The following PALM2AKAP2 variants were observed in gnomAD, a reference collection of about 807,000 sequenced individuals.
PALM2AKAP2 encodes the protein PALM2 and AKAP2 fusion, also known as PALM2-AKAP2 fusion protein.
Under a neutral mutation model 71.5 loss-of-function variants are expected in PALM2AKAP2, and 37 were observed. The observed-to-expected ratio is 0.52, with a 90% CI of 0.40 to 0.68. The LOEUF is 0.68. Ranked by LOEUF, PALM2AKAP2 falls within the 30% of genes least tolerant of loss-of-function variation. The pLI is 0.00. For synonymous variants in PALM2AKAP2, 468 were observed against 478.8 expected, an observed-to-expected ratio of 0.98 and a Z score of 0.29; for missense variants, 1,224 against 1,191.8, an observed-to-expected ratio of 1.03 and a Z score of -0.40.
intron 1 of PALM2AKAP2, among the ~76,000 whole-genome samples, chr9:110,090,723 T>C (rs1834686992): frequency 6.6e-6 from 1 of 152,200 alleles, no homozygotes; most frequent in African/African-American, 2.4e-5. Flanking sequence ...GAATTATTTA[T>C]TTTTCCCTAG....
chr9:109,745,754 G>A (rs2118697509), intron 1 of PALM2AKAP2, among the ~76,000 whole-genome samples: 1 of 152,278 alleles, frequency 6.6e-6, no homozygotes, highest in South Asian at 2.1e-4. Context: ...GCAGTGGTGT[G>A]GCTGCCAGAA....
chr9:109,883,379 T>C (rs570034366), intron 3 of PALM2AKAP2, among the ~76,000 whole-genome samples: 278 of 152,310 alleles, frequency 1.8e-3, no homozygotes, highest in Middle Eastern at 6.8e-3. Context: ...CCATTTCTTG[T>C]GTCTTAGTCA....
At chr9:110,047,058 C>T (rs1833613158), upstream of PALM2AKAP2, among the ~76,000 whole-genome samples, 1 of 150,834 alleles carries the variant, frequency 6.6e-6, no homozygotes, top group Non-Finnish European at 1.5e-5. Context: ...AAATCGGAGA[C>T]ATGAGGAGAA....
chr9:109,774,714 T>C (rs1829325050), intron 1 of PALM2AKAP2, among the ~76,000 whole-genome samples: 1 of 151,786 alleles, frequency 6.6e-6, no homozygotes. Flanking sequence ...AGTCATTCAC[T>C]TAAGTTGGTC....
At chr9:109,780,673 C>A in intron 1 of PALM2AKAP2, 140 bp downstream of exon 1, 1 of 1,269,466 alleles carries the variant, frequency 7.9e-7, no homozygotes, top group Non-Finnish European at 1.1e-6. Context: ...CAGGGCTCAG[C>A]TAGGCTGCCT....
rs75000652 is a variant in PALM2AKAP2 at position 110,138,075 on chromosome 9, C to T, written c.2105C>T (p.Ala702Val). 1.0e-4 allele frequency: 162 copies of T among 1,557,030 alleles called. No individual in the cohort carries two copies. Among genetic ancestry groups the T allele is most frequent in the South Asian group, 1.2e-4 (11 of 89,240 alleles). The change falls in exon 2 of 4, where the codon GCG becomes GTG. Residue 702 changes from alanine to valine, a missense_variant. By Grantham distance (64) the Ala-to-Val change is moderately conservative (BLOSUM62 0). Transcript: ENST00000374525. ...GCGACTGTAGAGGAAGCTGAAGCTG[C>T]GGCTTTCGGCTCAGAAAAGCCTCAG...
chr9:109,685,979 T>G (rs1827800773), intron 1 of PALM2AKAP2, among the ~76,000 whole-genome samples: 1 of 152,230 alleles, frequency 6.6e-6, no homozygotes, highest in African/African-American at 2.4e-5. Context: ...GCTCACAGCA[T>G]CTTCACCAGG....
At chr9:110,151,972 C>T (rs1836326546) in intron 2 of PALM2AKAP2, among the ~76,000 whole-genome samples, 1 of 152,212 alleles carries the variant, frequency 6.6e-6, no homozygotes, top group East Asian at 1.9e-4. Flanking sequence ...CACAGTGGCT[C>T]ATGCCTGTAA....
At chr9:109,711,473 T>C (rs1828235202) in intron 1 of PALM2AKAP2, among the ~76,000 whole-genome samples, 2 of 152,374 alleles carry the variant, frequency 1.3e-5, no homozygotes. Flanking sequence ...TGTTGTGTTA[T>C]AGATATTTGG....
At chr9:109,766,900 C>A (rs1314745729) in intron 1 of PALM2AKAP2, among the ~76,000 whole-genome samples, 3 of 152,276 alleles carry the variant, frequency 2.0e-5, no homozygotes, top group African/African-American at 7.2e-5. Flanking sequence ...GACGTTGGAA[C>A]CCAGAGCCTT....
chr9:110,001,273 T>C (rs148860001), intron 6 of PALM2AKAP2, among the ~76,000 whole-genome samples: 2,826 of 152,202 alleles, frequency 0.019, 101 homozygotes, highest in African/African-American at 0.065. Flanking sequence ...AATAGGGAAT[T>C]GTTTCCCCAT....
At chr9:109,866,757 T>A (rs1266439726) in intron 1 of PALM2AKAP2, among the ~76,000 whole-genome samples, 1 of 152,202 alleles carries the variant, frequency 6.6e-6, no homozygotes, top group Non-Finnish European at 1.5e-5. Context: ...TTATCTCCAC[T>A]TTATGTACGA....
chr9:109,698,475 C>T (rs997275283), intron 1 of PALM2AKAP2, among the ~76,000 whole-genome samples: 3 of 152,102 alleles, frequency 2.0e-5, no homozygotes, highest in Admixed American at 6.5e-5. Context: ...GACAGAGTTT[C>T]GGCATATTGG....
At chr9:109,984,385 T>C (rs1181713609) in intron 6 of PALM2AKAP2, among the ~76,000 whole-genome samples, 2 of 152,188 alleles carry the variant, frequency 1.3e-5, no homozygotes, top group Non-Finnish European at 2.9e-5. Context: ...ATACTGGGTA[T>C]GGTGACTCTT....
At chr9:110,151,139 G>T (rs1043690713) in intron 2 of PALM2AKAP2, among the ~76,000 whole-genome samples, 6 of 152,146 alleles carry the variant, frequency 3.9e-5, no homozygotes, top group African/African-American at 1.4e-4. Flanking sequence ...TTAGACAACA[G>T]TATTTCCTAA....
At chr9:109,897,317 C>T (rs1743603531) in intron 3 of PALM2AKAP2, among the ~76,000 whole-genome samples, 1 of 152,158 alleles carries the variant, frequency 6.6e-6, no homozygotes. Context: ...CTTGGTGGCT[C>T]ATGCCTGTAA....
intron 6 of PALM2AKAP2, among the ~76,000 whole-genome samples, chr9:110,009,440 C>T (rs573181462): frequency 1.3e-5 from 2 of 152,102 alleles, no homozygotes; most frequent in East Asian, 3.9e-4. Context: ...GTTGGCCGGG[C>T]GCGGTGGCTC....
At position 110,160,196 on chromosome 9, in the gene PALM2AKAP2, T is replaced by G. The variant is rs1371554851; in HGVS notation, c.2748+3699T>G. 2.0e-5 allele frequency among the ~76,000 whole-genome samples: 3 copies of G among 152,224 alleles called. No individual in the cohort carries two copies. In the East Asian group the frequency reaches 5.8e-4, roughly 29 times the overall value. The stretch of plus-strand genomic sequence containing the variant: ...GATGCAGCCCTGCACCAGCCACACA[T>G]TTGGGGGGTAGAGTAGGGGACTGGG... On this transcript the variant is annotated intron_variant, in intron 3 of 3. Coordinates refer to ENST00000374525, the Ensembl canonical transcript of PALM2AKAP2.
chr9:110,061,305 A>G (rs1833960771), intron 1 of PALM2AKAP2, among the ~76,000 whole-genome samples: 1 of 152,238 alleles, frequency 6.6e-6, no homozygotes, highest in South Asian at 2.1e-4. Context: ...AGGAAGACAT[A>G]ATACAATGTA....
Sources: allele counts gnomAD v4.1 joint callset (sites outside exome capture counted in the v4.1 genomes callset), GRCh38; gene constraint gnomAD v4.1.1; transcripts MANE v1.5; gene names NCBI Gene and HGNC (gene_info 2026-07-23, HGNC 2026-07-21).